The following HNF4G variants were observed in gnomAD, a reference collection of about 807,000 sequenced individuals.
The protein encoded by HNF4G is hepatocyte nuclear factor 4-gamma.
Under a neutral mutation model 50.9 loss-of-function variants are expected in HNF4G, and 21 were observed. That is an observed-to-expected ratio of 0.41 (90% CI 0.29 to 0.59). The LOEUF (loss-of-function observed/expected upper bound fraction) is 0.59. Ranked by LOEUF, HNF4G falls within the 20% of genes least tolerant of loss-of-function variation. The pLI is 0.26. For missense variants in HNF4G, 527 were observed against 559.4 expected, an observed-to-expected ratio of 0.94 and a Z score of 0.58; for synonymous variants, 198 against 185.6, an observed-to-expected ratio of 1.07 and a Z score of -0.54.
intron 1 of HNF4G, among the ~76,000 whole-genome samples, chr8:75,425,027 C>G (rs1484940432): frequency 6.6e-6 from 1 of 151,902 alleles, no homozygotes; most frequent in Non-Finnish European, 1.5e-5. Context: ...ATAAGCATTT[C>G]CTTTTCTCTG....
chr8:75,454,234 T>C (rs1811664256), intron 1 of HNF4G, among the ~76,000 whole-genome samples: 1 of 152,148 alleles, frequency 6.6e-6, no homozygotes, highest in Admixed American at 6.5e-5. Flanking sequence ...GCTAGCACCC[T>C]GATTTTGGAC....
intron 2 of HNF4G, among the ~76,000 whole-genome samples, chr8:75,494,643 TC>T (rs1294338228): frequency 6.6e-6 from 1 of 152,158 alleles, no homozygotes; most frequent in African/African-American, 2.4e-5. Context: ...CTTGAAATTA[TC>T]GCCTAGATTA....
chr8:75,555,895 A>T, intron 5 of HNF4G, 87 bp from the exon 6 acceptor site: 1 of 694,864 alleles, frequency 1.4e-6, no homozygotes, highest in Non-Finnish European at 2.3e-6. Flanking sequence ...CCCAGGCTTA[A>T]AGAACACTCT....
chr8:75,498,490 T>C (rs1411377370), intron 2 of HNF4G, among the ~76,000 whole-genome samples: 1 of 152,050 alleles, frequency 6.6e-6, no homozygotes, highest in Admixed American at 6.6e-5. Context: ...AAAGACAAAT[T>C]GTCACAAATC....
intron 5 of HNF4G, among the ~76,000 whole-genome samples, chr8:75,555,581 A>T (rs1340945849): frequency 9.6e-5 from 2 of 20,914 alleles, no homozygotes; most frequent in Non-Finnish European, 1.7e-4. Context: ...GATTTTTTTT[A>T]TCTCTACTCC....
chr8:75,473,075 C>T (rs925666041), intron 1 of HNF4G, among the ~76,000 whole-genome samples: 5 of 151,930 alleles, frequency 3.3e-5, no homozygotes, highest in African/African-American at 1.2e-4. Flanking sequence ...TTTGGGAGGC[C>T]GAGGCGGGTG....
rs1807443193 is a variant in HNF4G at position 75,565,658 on chromosome 8, A to G, written c.*1562A>G. On this transcript the variant is annotated 3_prime_UTR_variant, in exon 10 of 10. Transcript: ENST00000396423. ...AAAACTGGTCGAGTAATTATCAATA[A>G]TTTTTTTTAAAAAGAGGATCCCAAA... is the stretch of plus-strand genomic sequence containing the variant. 6.6e-6 allele frequency: 1 copy of G among 152,010 alleles called. No homozygotes were observed. Among genetic ancestry groups the G allele is most frequent in the Non-Finnish European group, 1.5e-5 (1 of 67,992 alleles). 9.4% of individuals were successfully genotyped at this position (152,010 alleles called of 1,614,324 possible). A position where few individuals can be genotyped will look rare whatever the true frequency, so the allele number is the denominator to read the frequency against.
chr8:75,448,689 A>G (rs1042600090), intron 1 of HNF4G, among the ~76,000 whole-genome samples: 9 of 151,996 alleles, frequency 5.9e-5, no homozygotes, highest in African/African-American at 1.9e-4. Context: ...AAATATTCAG[A>G]AAATTTTTAA....
intron 1 of HNF4G, among the ~76,000 whole-genome samples, chr8:75,454,070 C>T (rs1272559522): frequency 7.2e-6 from 1 of 138,968 alleles, no homozygotes; most frequent in African/African-American, 2.7e-5. Flanking sequence ...TCCCTCTCTT[C>T]CTTTCTCCCT....
chr8:75,543,691 C>T, intron 1 of HNF4G, 120 bp from the exon 2 acceptor site: 1 of 712,632 alleles, frequency 1.4e-6, no homozygotes. Flanking sequence ...AGGAAAGCAC[C>T]AGTGTGGGGT....
At chr8:75,519,839 C>CGT (rs35154891) in intron 2 of HNF4G, among the ~76,000 whole-genome samples, 73,395 of 149,784 alleles carry the variant, frequency 0.49, 17,834 homozygotes, top group Middle Eastern at 0.56. Context: ...TGCATGTGAG[C>CGT]GTGTGTGTGT....
intron 1 of HNF4G, among the ~76,000 whole-genome samples, chr8:75,411,969 G>A (rs947126768): frequency 6.6e-6 from 1 of 152,224 alleles, no homozygotes; most frequent in African/African-American, 2.4e-5. Context: ...CTGTGTTGCT[G>A]TTCTTATGGT....
At chr8:75,430,899 T>C (rs918724454) in intron 1 of HNF4G, among the ~76,000 whole-genome samples, 7 of 152,110 alleles carry the variant, frequency 4.6e-5, no homozygotes, top group African/African-American at 1.7e-4. Flanking sequence ...ATTACGAAGA[T>C]TGTTGTTAGA....
rs1807242401 is a variant in HNF4G at position 75,559,472 on chromosome 8, C to T, written c.1123+435C>T. 7.9e-5 allele frequency among the ~76,000 whole-genome samples: 12 copies of T among 152,142 alleles called. No homozygotes were observed. The South Asian group carries it at 2.5e-3, about 32-fold the overall frequency. Reference sequence around the variant, plus strand: ...TATTTTTAGTAGAGACGGGGTTTCACCGTGTTGATTAGGATGGTCTTGATT... The same window carrying T: ...TATTTTTAGTAGAGACGGGGTTTCATCGTGTTGATTAGGATGGTCTTGATT... On this transcript the variant is annotated intron_variant, in intron 8 of 9. Coordinates refer to ENST00000396423, the MANE Select transcript of HNF4G (RefSeq NM_004133.5).
At chr8:75,534,686 G>A (rs1373060939) in intron 2 of HNF4G, among the ~76,000 whole-genome samples, 1 of 151,834 alleles carries the variant, frequency 6.6e-6, no homozygotes, top group Non-Finnish European at 1.5e-5. Context: ...TTCACAAGGT[G>A]CTTATGTATT....
rs145191846 is a variant in HNF4G, at chr8:75,422,119, A to C, written c.-144+13957A>C. Among the ~76,000 whole-genome samples, 777 of 152,250 alleles carry C rather than the reference A, an allele frequency of 5.1e-3. 5 individuals carry two copies. The highest frequency in any genetic ancestry group is 0.016 in the African/African-American group (682 of 41,542). ...GGGCAATACAAGCTCCCTAGTGACT[A>C]TTCCATATATCTTACTACTTATGCT... On this transcript the variant is annotated intron_variant, in intron 1 of 10. Coordinates refer to the HNF4G transcript ENST00000354370.
chr8:75,439,658 G>A (rs1175737793), intron 1 of HNF4G, among the ~76,000 whole-genome samples: 1 of 151,950 alleles, frequency 6.6e-6, no homozygotes, highest in Non-Finnish European at 1.5e-5. Flanking sequence ...GATCAAAATG[G>A]TTTAATAATT....
At chr8:75,562,555 A>G (rs1807344112) in intron 9 of HNF4G, among the ~76,000 whole-genome samples, 1 of 152,164 alleles carries the variant, frequency 6.6e-6, no homozygotes, top group Non-Finnish European at 1.5e-5. Flanking sequence ...ATAAACTCAC[A>G]AAATAAAACA....
intron 2 of HNF4G, among the ~76,000 whole-genome samples, chr8:75,504,988 T>C (rs1813038557): frequency 6.6e-6 from 1 of 152,142 alleles, no homozygotes; most frequent in Non-Finnish European, 1.5e-5. Flanking sequence ...CTCATTAATA[T>C]AGGTGATTAT....
Sources: allele counts gnomAD v4.1 joint callset (sites outside exome capture counted in the v4.1 genomes callset), GRCh38; gene constraint gnomAD v4.1.1; transcripts MANE v1.5; gene names NCBI Gene and HGNC (gene_info 2026-07-23, HGNC 2026-07-21).